GPD2: variants seen among roughly 807,000 people sequenced by gnomAD.
The protein encoded by GPD2 is glycerol-3-phosphate dehydrogenase 2.
A neutral mutation model predicts 82.4 loss-of-function variants in GPD2; 54 were observed. The ratio of observed to expected loss-of-function variants is 0.66; its 90% CI spans 0.53 to 0.82. The LOEUF is 0.82. Among genes scored for constraint, GPD2 ranks in the 40% least tolerant of loss-of-function variants. The probability of loss-of-function intolerance (pLI) is 0.00; values close to 1 mark genes in which losing one functional copy is unlikely to be tolerated. For missense variants in GPD2, 748 were observed against 896.2 expected (o/e 0.83, Z 2.11); for synonymous variants, 288 against 306.1 (o/e 0.94, Z 0.62).
rs1416973048 is a variant in GPD2, at chr2:156,557,587, C to A, written c.1165+5C>A. On this transcript the variant is annotated splice_donor_5th_base_variant and intron_variant, in intron 9 of 16. Transcript: ENST00000438166. ...ACCTGAGTTGTGATGTTGAAGGTAACTAAGCATTCCTTTAAGTTTGTCTCT... is the reference window on the plus strand; with the variant it reads ...ACCTGAGTTGTGATGTTGAAGGTAAATAAGCATTCCTTTAAGTTTGTCTCT... 1.3e-6 allele frequency: 2 copies of A among 1,494,156 alleles called. No individual in the cohort carries two copies. The highest frequency in any genetic ancestry group is 1.4e-5 in the African/African-American group (1 of 72,708). 92.6% of individuals were successfully genotyped at this position (1,494,156 alleles called of 1,614,324 possible).
chr2:156,561,039 G>GTTTTTT (rs1491213527), intron 9 of GPD2, among the ~76,000 whole-genome samples: 1 of 19,510 alleles, frequency 5.1e-5, no homozygotes, highest in Non-Finnish European at 1.2e-4. Context: ...GTGACATTAA[G>GTTTTTT]CTTTTTTTTT....
chr2:156,476,231 TTACAG>T (rs1457310009), intron 2 of GPD2, 24 bp downstream of exon 2: 1 of 1,228,314 alleles, frequency 8.1e-7, no homozygotes, highest in Non-Finnish European at 1.2e-6. Context: ...CTTGTGTTGA[TTACAG>T]TATGCAACTT....
At chr2:156,403,208 A>T in the GPD2 span, among the ~76,000 whole-genome samples, 1 of 149,146 alleles carries the variant, frequency 6.7e-6, no homozygotes. Flanking sequence ...TTATTTATTT[A>T]TTTTTTCTTG....
intron 9 of GPD2, among the ~76,000 whole-genome samples, chr2:156,567,372 G>A (rs1356833122): frequency 6.6e-6 from 1 of 151,918 alleles, no homozygotes; most frequent in Non-Finnish European, 1.5e-5. Flanking sequence ...GTAAATTTTT[G>A]TATACGATAT....
At chr2:156,527,363 T>G (rs1685650534) in intron 6 of GPD2, among the ~76,000 whole-genome samples, 1 of 152,180 alleles carries the variant, frequency 6.6e-6, no homozygotes, top group South Asian at 2.1e-4. Flanking sequence ...TATTTTAGAA[T>G]GTGAAGTTTC....
At chr2:156,403,264 G>A in the GPD2 span, among the ~76,000 whole-genome samples, 2 of 152,126 alleles carry the variant, frequency 1.3e-5, no homozygotes, top group Non-Finnish European at 2.9e-5. Context: ...CAAATGTGGT[G>A]CCCTAAGCCA....
At chr2:156,530,809 G>A (rs1048285353) in intron 6 of GPD2, among the ~76,000 whole-genome samples, 3 of 152,230 alleles carry the variant, frequency 2.0e-5, no homozygotes, top group Non-Finnish European at 2.9e-5. Context: ...TAAGCTTTTC[G>A]ATGTGCTGCT....
chr2:156,415,596 C>T, the GPD2 span, among the ~76,000 whole-genome samples: 2 of 151,862 alleles, frequency 1.3e-5, no homozygotes. Context: ...TGGCTCATGC[C>T]TATAATCCCA....
chr2:156,461,161 C>CTTTTTTTTTTTTTTTTTTTTTTTTTTTTT (rs70987039), intron 1 of GPD2, among the ~76,000 whole-genome samples: 1 of 106,442 alleles, frequency 9.4e-6, no homozygotes, highest in Non-Finnish European at 2.0e-5. Flanking sequence ...CTCTCTATCT[C>CTTTTTTTTTTTTTTTTTTTTTTTTTTTTT]TTTTTTTTTT....
intron 1 of GPD2, among the ~76,000 whole-genome samples, chr2:156,438,382 T>G (rs959553443): frequency 6.6e-6 from 1 of 152,234 alleles, no homozygotes. Flanking sequence ...TTTTTCCTTC[T>G]TATACTCAAG....
chr2:156,401,784 T>C, the GPD2 span, among the ~76,000 whole-genome samples: 1 of 152,154 alleles, frequency 6.6e-6, no homozygotes, highest in Non-Finnish European at 1.5e-5. Context: ...TTAACTCTAA[T>C]AGTATGAGTC....
Position 156,495,459 on chromosome 2 carries a change from A to G in GPD2, c.103-585A>G, listed in dbSNP as rs189016401. 1.1e-3 allele frequency: 254 copies of G among 223,878 alleles called. 1 individual carries two copies. The Middle Eastern group carries it at 0.012, about 11-fold the overall frequency. The allele number at this position is 223,878 out of a possible 1,614,324, so 13.9% of individuals were successfully genotyped here. A position where few individuals can be genotyped will look rare whatever the true frequency, so the allele number is the denominator to read the frequency against. On this transcript the variant is annotated intron_variant, in intron 2 of 16. Coordinates refer to ENST00000438166, the MANE Select transcript of GPD2 (RefSeq NM_000408.5). Reference sequence around the variant, plus strand: ...GGAAGTCTTTGACTAAATTTTTCTGAAAAATATAATTCTCATTAAACATAG... The same window carrying G: ...GGAAGTCTTTGACTAAATTTTTCTGGAAAATATAATTCTCATTAAACATAG...
At chr2:156,570,756 T>A (rs1199545279) in intron 12 of GPD2, among the ~76,000 whole-genome samples, 1 of 152,202 alleles carries the variant, frequency 6.6e-6, no homozygotes, top group Non-Finnish European at 1.5e-5. Context: ...AGAGGTGAGA[T>A]CATAACTTTT....
intron 2 of GPD2, among the ~76,000 whole-genome samples, chr2:156,492,424 A>T (rs1573925830): frequency 6.8e-6 from 1 of 148,028 alleles, no homozygotes; most frequent in Non-Finnish European, 1.5e-5. Context: ...AAGTGCTGGG[A>T]GTGAGCCACT....
At chr2:156,400,824 A>AT in the GPD2 span, among the ~76,000 whole-genome samples, 2 of 152,196 alleles carry the variant, frequency 1.3e-5, no homozygotes, top group Non-Finnish European at 2.9e-5. Flanking sequence ...TCCCGGGTTC[A>AT]ATCCCCGGCA....
intron 6 of GPD2, among the ~76,000 whole-genome samples, chr2:156,531,369 G>C (rs1397007581): frequency 6.6e-6 from 1 of 152,146 alleles, no homozygotes; most frequent in African/African-American, 2.4e-5. Flanking sequence ...ACACAGACAG[G>C]AGAGTAAGTG....
intron 2 of GPD2, among the ~76,000 whole-genome samples, chr2:156,480,968 T>A (rs935619443): frequency 7.3e-5 from 11 of 151,500 alleles, no homozygotes; most frequent in Non-Finnish European, 1.2e-4. Context: ...CTCTTTTTAA[T>A]GGGAGGAATT....
chr2:156,537,928 G>C (rs967684052), intron 6 of GPD2, among the ~76,000 whole-genome samples: 5 of 152,204 alleles, frequency 3.3e-5, no homozygotes, highest in Non-Finnish European at 7.3e-5. Flanking sequence ...AAACCCCCGA[G>C]GGGAAGTTTT....
chr2:156,450,885 C>G (rs1448234355), intron 1 of GPD2, among the ~76,000 whole-genome samples: 1 of 130,632 alleles, frequency 7.7e-6, no homozygotes, highest in Non-Finnish European at 1.6e-5. Context: ...ATGCTGCCTT[C>G]AAGCATCTGT....
Sources: gnomAD v4.1 joint callset for allele counts (sites outside exome capture counted in the v4.1 genomes callset) on GRCh38, gnomAD v4.1.1 for gene constraint, MANE v1.5 for transcripts, NCBI Gene and HGNC (gene_info 2026-07-23, HGNC 2026-07-21) for gene names.